The following SNED1 variants were observed in gnomAD, a reference collection of about 807,000 sequenced individuals.
SNED1 encodes sushi, nidogen and EGF-like domain-containing protein 1.
In SNED1, 81 loss-of-function variants were observed where a neutral mutation model predicts 166.7. That is an observed-to-expected ratio of 0.49 (90% CI 0.41 to 0.58). SNED1 has a LOEUF of 0.58. SNED1 is among the 20% of genes least tolerant of loss of function. The pLI, the probability that SNED1 is intolerant of heterozygous loss-of-function variation, is 0.00. For missense variants in SNED1, 1,604 were observed against 2,000.2 expected, an observed-to-expected ratio of 0.80 and a Z score of 3.78; for synonymous variants, 762 against 822.0, an observed-to-expected ratio of 0.93 and a Z score of 1.25.
intron 8 of SNED1, 130 bp from the exon 9 acceptor site, chr2:241,048,185 C>A: frequency 1.8e-6 from 2 of 1,116,622 alleles, no homozygotes; most frequent in Non-Finnish European, 2.5e-6. Flanking sequence ...CAGAAATAAG[C>A]TTCTGGCTTA....
chr2:241,003,051 C>T (rs1421102617), intron 1 of SNED1, among the ~76,000 whole-genome samples: 1 of 152,060 alleles, frequency 6.6e-6, no homozygotes, highest in Non-Finnish European at 1.5e-5. Flanking sequence ...GGGAGCCATA[C>T]AAAACACCAG....
chr2:241,016,115 C>T (rs991799200), intron 1 of SNED1: 2 of 149,712 alleles, frequency 1.3e-5, no homozygotes, highest in Admixed American at 1.3e-4. Context: ...AATTTAATGG[C>T]AAATTAAATT....
chr2:241,019,980 A>G (rs2060723611), intron 1 of SNED1, among the ~76,000 whole-genome samples: 1 of 152,212 alleles, frequency 6.6e-6, no homozygotes, highest in African/African-American at 2.4e-5. Context: ...GTGCTCCCAC[A>G]AACCCTGTTT....
At chr2:241,008,060 C>T (rs2060275290) in intron 1 of SNED1, among the ~76,000 whole-genome samples, 1 of 152,268 alleles carries the variant, frequency 6.6e-6, no homozygotes, top group Non-Finnish European at 1.5e-5. Flanking sequence ...GCGGCCGTAC[C>T]ACCTGACTCA....
At chr2:241,045,785 TTAAAA>T (rs1449588026) in intron 8 of SNED1, among the ~76,000 whole-genome samples, 1 of 151,826 alleles carries the variant, frequency 6.6e-6, no homozygotes, top group African/African-American at 2.4e-5. Context: ...GCATGATTCA[TTAAAA>T]AGAAAAAGAT....
chr2:241,084,857 T>C (rs2063505061), intron 29 of SNED1, among the ~76,000 whole-genome samples: 1 of 152,206 alleles, frequency 6.6e-6, no homozygotes, highest in Non-Finnish European at 1.5e-5. Flanking sequence ...TATTTTTTTT[T>C]CACCTTCATT....
intron 1 of SNED1, among the ~76,000 whole-genome samples, chr2:241,003,039 A>G (rs2060121321): frequency 6.6e-6 from 1 of 151,900 alleles, no homozygotes; most frequent in Admixed American, 6.5e-5. Context: ...CAGAGTGACC[A>G]AGGGAGCCAT....
At chr2:241,076,789 G>A (rs891845856) in intron 27 of SNED1, among the ~76,000 whole-genome samples, 1 of 151,942 alleles carries the variant, frequency 6.6e-6, no homozygotes, top group Non-Finnish European at 1.5e-5. Flanking sequence ...TGTAATCCGT[G>A]GAAAAGAACT....
At chr2:241,063,881 G>T in intron 18 of SNED1, 131 bp from the exon 19 acceptor site, 1 of 780,308 alleles carries the variant, frequency 1.3e-6, no homozygotes. Flanking sequence ...CTGAGGGGCG[G>T]GACCTGCCCA....
chr2:241,081,741 C>T lies in SNED1; in HGVS notation c.3981C>T (p.Asp1327=), dbSNP rs569153756. The T allele has an allele frequency of 2.1e-5, 33 of 1,608,698 alleles. No individual in the cohort carries two copies. The highest frequency in any genetic ancestry group is 1.7e-4 in the South Asian group (15 of 89,820). Residue 1327 remains aspartate, a synonymous_variant, in exon 28 of 32, where the codon GAC becomes GAT. Transcript: ENST00000310397. ...GAGGCACTTGTGTGCCGGGCGCAGA[C>T]GCCCACAGCTGTGACTGCGGGCCAG... ...QNGGTCVPGA[D]AHSCDCGPGF... is the part of the protein sequence containing the mutation.
chr2:241,064,753 G>C lies in SNED1; in HGVS notation c.2600-91G>C, dbSNP rs538832443. 1.1e-6 allele frequency: 1 copy of C among 889,630 alleles called. No individual in the cohort carries two copies. The highest frequency in any genetic ancestry group is 3.3e-5 in the Admixed American group (1 of 30,060). 55.1% of individuals were successfully genotyped at this position (889,630 alleles called of 1,614,324 possible). A position where few individuals can be genotyped will look rare whatever the true frequency, so the allele number is the denominator to read the frequency against. ...CCCCCGCCCCTCCACACCCACGCAG[G>C]AGGGACCCAGTGCCCCAGGAGCAAG... On this transcript the variant is annotated intron_variant, in intron 19 of 31. Transcript: ENST00000310397. The surrounding 1 kb of genome is among the most constrained non-coding windows in gnomAD (Gnocchi z 7.0).
Position 241,069,793 on chromosome 2 carries a change from A to G in SNED1, c.3308-127A>G. The G allele has an allele frequency of 9.0e-7, 1 of 1,110,594 alleles. No homozygotes were observed. Among genetic ancestry groups the G allele is most frequent in the Non-Finnish European group, 1.3e-6 (1 of 778,892 alleles). 68.8% of individuals were successfully genotyped at this position (1,110,594 alleles called of 1,614,324 possible). A position where few individuals can be genotyped will look rare whatever the true frequency, so the allele number is the denominator to read the frequency against. ...CCACACCCCGCCTCGGCACTGTACC[A>G]TTCTCCATAATAAAGAATCTGGCTT... On this transcript the variant is annotated intron_variant, in intron 23 of 31. Transcript: ENST00000310397. The surrounding 1 kb of genome is among the most constrained non-coding windows in gnomAD (Gnocchi z 4.9).
chr2:241,000,642 C>T (rs2060051009), intron 1 of SNED1, among the ~76,000 whole-genome samples: 1 of 152,382 alleles, frequency 6.6e-6, no homozygotes, highest in Admixed American at 6.5e-5. Context: ...TTAACAGCCT[C>T]ACCAAAAACA....
intron 1 of SNED1, among the ~76,000 whole-genome samples, chr2:241,026,183 G>T (rs894278765): frequency 1.6e-4 from 25 of 151,676 alleles, no homozygotes; most frequent in Non-Finnish European, 3.5e-4. Flanking sequence ...GACCAGCTAA[G>T]TTTTTTGTAT....
At position 241,064,945 on chromosome 2, in the gene SNED1, G is replaced by T; in HGVS notation, c.2701G>T (p.Asp901Tyr). The T allele has an allele frequency of 1.3e-6, 2 of 1,585,210 alleles. No individual in the cohort carries two copies. The highest frequency in any genetic ancestry group is 8.6e-7 in the Non-Finnish European group (1 of 1,169,194). ...CTCKVGYTGE[D>Y]CAKELFPPTA... ...CTGCAAAGTGGGCTACACGGGCGAG[G>T]ACTGCGCCAAAGGTGGGTGGCGAGG... The change falls in exon 20 of 32, where the codon GAC becomes TAC. Residue 901 changes from aspartate (D) to tyrosine (Y), a missense_variant. By Grantham distance (160) the Asp-to-Tyr change is radical. Coordinates refer to ENST00000310397, the MANE Select transcript of SNED1 (RefSeq NM_001080437.3). The surrounding 1 kb of genome is among the most constrained non-coding windows in gnomAD (Gnocchi z 7.0).
intron 1 of SNED1, among the ~76,000 whole-genome samples, chr2:241,016,549 T>C (rs1321094416): frequency 6.6e-6 from 1 of 152,202 alleles, no homozygotes; most frequent in Non-Finnish European, 1.5e-5. Context: ...TGCTAATAAT[T>C]CATTTAAGGT....
chr2:241,046,439 A>G (rs2061649487), intron 8 of SNED1, among the ~76,000 whole-genome samples: 1 of 152,252 alleles, frequency 6.6e-6, no homozygotes. Flanking sequence ...CAAATTGTGG[A>G]ACCTCTGTAT....
At chr2:241,008,230 G>T (rs1033961230) in intron 1 of SNED1, among the ~76,000 whole-genome samples, 1 of 152,244 alleles carries the variant, frequency 6.6e-6, no homozygotes, top group African/African-American at 2.4e-5. Context: ...AGTCAGTGCC[G>T]TGACCAGGGG....
At position 241,068,482 on chromosome 2, in the gene SNED1, G is replaced by T. The variant is rs150241774; in HGVS notation, c.3195-429G>T. Among the ~76,000 whole-genome samples, 2 of 152,080 alleles carry T rather than the reference G, an allele frequency of 1.3e-5. No individual in the cohort carries two copies. Among genetic ancestry groups the T allele is most frequent in the Non-Finnish European group, 2.9e-5 (2 of 67,998 alleles). On this transcript the variant is annotated intron_variant, in intron 22 of 31. Coordinates refer to ENST00000310397, the MANE Select transcript of SNED1 (RefSeq NM_001080437.3). The surrounding 1 kb of genome is among the most constrained non-coding windows in gnomAD (Gnocchi z 5.3). ...GGGGTGCAGGAAAAGATCGGAGAGC[G>T]AGTGGGAAGGAAGACTCCAGCCAGC...
Sources: allele counts gnomAD v4.1 joint callset (sites outside exome capture counted in the v4.1 genomes callset), GRCh38; gene constraint gnomAD v4.1.1; non-coding constraint Gnocchi (gnomAD v3.1); transcripts MANE v1.5; gene names NCBI Gene and HGNC (gene_info 2026-07-23, HGNC 2026-07-21).